The following NAA16 variants were observed in gnomAD, a reference collection of about 807,000 sequenced individuals.
NAA16 encodes N-alpha-acetyltransferase 16, NatA auxiliary subunit, also known as NARG1-like protein.
NAA16 carries 97 observed loss-of-function variants against 110.3 expected under a neutral mutation model. The ratio of observed to expected loss-of-function variants is 0.88; its 90% CI spans 0.75 to 1.04. The LOEUF is 1.04. Ranked by LOEUF, NAA16 falls within the 50% of genes least tolerant of loss-of-function variation. NAA16 has a pLI of 0.00. For missense variants in NAA16, 1,017 were observed against 1,005.1 expected (o/e 1.01, Z -0.16); for synonymous variants, 372 against 330.6 (o/e 1.13, Z -1.36).
At chr13:41,342,119 A>G (rs1003385659) in intron 9 of NAA16, among the ~76,000 whole-genome samples, 1 of 145,106 alleles carries the variant, frequency 6.9e-6, no homozygotes, top group Admixed American at 6.9e-5. Context: ...GGCGTGAGCC[A>G]CCGCACCGGG....
intron 18 of NAA16, 74 bp downstream of exon 18, chr13:41,373,854 A>G (rs2043373819): frequency 6.6e-7 from 1 of 1,511,646 alleles, no homozygotes; most frequent in Admixed American, 2.3e-5. Context: ...CACCCCCAAA[A>G]TGTAAAGCAA....
intron 9 of NAA16, among the ~76,000 whole-genome samples, chr13:41,341,685 C>T (rs998372911): frequency 6.6e-6 from 1 of 152,186 alleles, no homozygotes; most frequent in African/African-American, 2.4e-5. Flanking sequence ...CCACTGCACT[C>T]CAGCCTGTGC....
intron 2 of NAA16, among the ~76,000 whole-genome samples, chr13:41,317,238 A>G (rs1854373385): frequency 6.6e-6 from 1 of 152,164 alleles, no homozygotes; most frequent in Middle Eastern, 3.2e-3. Flanking sequence ...TAAAGTTTAT[A>G]CCTTGGTTTC....
rs955754955 is a variant in NAA16, at chr13:41,376,860, A to C, written c.*1258A>C. 6.6e-6 allele frequency: 1 copy of C among 152,198 alleles called. No individual in the cohort carries two copies. Among genetic ancestry groups the C allele is most frequent in the Non-Finnish European group, 1.5e-5 (1 of 68,038 alleles). The allele number at this position is 152,198 out of a possible 1,614,324, so 9.4% of individuals were successfully genotyped here. ...CCTTGTAAATATGTCTGTAATATTA[A>C]TGCTTCCCTTTATTAAGACAAATAT... On this transcript the variant is annotated 3_prime_UTR_variant, in exon 20 of 20. Coordinates refer to ENST00000379406, the MANE Select transcript of NAA16 (RefSeq NM_024561.5).
In NAA16 at chr13:41,320,741, C is replaced by G. The variant is rs1051892121; in HGVS notation, c.319C>G (p.Leu107Val). The change falls in exon 4 of 20, where the codon CTC becomes GTC. Residue 107 changes from leucine (L) to valine (V), a missense_variant. Physicochemically the swap from Leu to Val is conservative, Grantham distance 32. Coordinates refer to ENST00000379406, the MANE Select transcript of NAA16 (RefSeq NM_024561.5). ...AGCTATAAAATGTTACCGAAATGCC[C>G]TCAAATTAGATAAAGATAACCTGCA... is the stretch of plus-strand genomic sequence containing the variant. Reference protein sequence around the residue: ...DEAIKCYRNALKLDKDNLQIL... With the variant: ...DEAIKCYRNAVKLDKDNLQIL... 29 of 1,613,090 alleles carry G rather than the reference C, an allele frequency of 1.8e-5. No homozygotes were observed. Among genetic ancestry groups the G allele is most frequent in the Non-Finnish European group, 2.2e-5 (26 of 1,179,824 alleles).
intron 6 of NAA16, 133 bp from the exon 7 acceptor site, chr13:41,328,591 A>G: frequency 1.4e-6 from 1 of 693,540 alleles, no homozygotes; most frequent in Non-Finnish European, 2.3e-6. Context: ...CATGAACTGC[A>G]ACATGCCCAA....
At chr13:41,341,903 C>T (rs1194462173) in intron 9 of NAA16, among the ~76,000 whole-genome samples, 1 of 150,006 alleles carries the variant, frequency 6.7e-6, no homozygotes, top group Non-Finnish European at 1.5e-5. Flanking sequence ...GCAATCTCTG[C>T]TCACTGCAAG....
At position 41,358,481 on chromosome 13, in the gene NAA16, C is replaced by G. The variant is rs1436349999; in HGVS notation, c.1257+8C>G. The G allele has an allele frequency of 6.2e-7, 1 of 1,612,496 alleles. No individual in the cohort carries two copies. The highest frequency in any genetic ancestry group is 2.2e-5 in the East Asian group (1 of 44,840). On this transcript the variant is annotated splice_region_variant and intron_variant, in intron 11 of 19. Coordinates refer to ENST00000379406, the MANE Select transcript of NAA16 (RefSeq NM_024561.5). ...AAAGCAAAAATTTACAAGGTAAAAT[C>G]TGAATCCTGTTTTTTGAGTAGTTGA...
intron 18 of NAA16, among the ~76,000 whole-genome samples, chr13:41,374,274 A>G (rs977865782): frequency 2.0e-5 from 3 of 152,074 alleles, no homozygotes; most frequent in Non-Finnish European, 4.4e-5. Context: ...TGAATATGCA[A>G]ACATTTTCCT....
rs561914059 is a variant in NAA16 at position 41,358,235 on chromosome 13, TAGGAG to T, written c.1088-66_1088-62del. ...TTGCAATAGTCATTTCATTATGAAT[TAGGAG>T]AGAGAAAATATGTGATTTGCTTTAC... On this transcript the variant is annotated intron_variant, in intron 10 of 19. Transcript: ENST00000379406. 820 of 1,314,240 alleles carry T rather than the reference TAGGAG, an allele frequency of 6.2e-4. 2 individuals carry two copies. Among genetic ancestry groups the T allele is most frequent in the Middle Eastern group, 3.7e-3 (20 of 5,388 alleles). The allele number at this position is 1,314,240 out of a possible 1,614,324, so 81.4% of individuals were successfully genotyped here.
At chr13:41,329,008 T>TA (rs1384674864) in intron 7 of NAA16, among the ~76,000 whole-genome samples, 165 bp downstream of exon 7, 1 of 152,054 alleles carries the variant, frequency 6.6e-6, no homozygotes, top group African/African-American at 2.4e-5. Context: ...TTCAAATAGT[T>TA]ACACTTAAGT....
Position 41,373,837 on chromosome 13 carries a change from G to A in NAA16, c.2299+57G>A, listed in dbSNP as rs149728266. 2.4e-5 allele frequency: 37 copies of A among 1,528,144 alleles called. 1 individual carries two copies. In the Middle Eastern group the frequency reaches 7.1e-4, roughly 29 times the overall value. 94.7% of individuals were successfully genotyped at this position (1,528,144 alleles called of 1,614,324 possible). A position where few individuals can be genotyped will look rare whatever the true frequency, so the allele number is the denominator to read the frequency against. The stretch of plus-strand genomic sequence containing the variant: ...TATGGAAAAAGCGAACAAAGAGAAA[G>A]CTTTGACACCCCCAAAATGTAAAGC... On this transcript the variant is annotated intron_variant, in intron 18 of 19. Coordinates refer to ENST00000379406, the MANE Select transcript of NAA16 (RefSeq NM_024561.5).
At chr13:41,353,714 C>T (rs375093719) in intron 9 of NAA16, among the ~76,000 whole-genome samples, 2 of 150,884 alleles carry the variant, frequency 1.3e-5, no homozygotes, top group East Asian at 2.0e-4. Flanking sequence ...CTACAGTGAG[C>T]GACTATCACA....
At chr13:41,317,115 T>C (rs117795938) in intron 2 of NAA16, among the ~76,000 whole-genome samples, 185 bp downstream of exon 2, 3,036 of 152,252 alleles carry the variant, frequency 0.02, 61 homozygotes, top group Non-Finnish European at 0.027. Flanking sequence ...CTTAAGTATG[T>C]ATACTTAAGG....
chr13:41,369,923 GTTGTT>G (rs2043283815), intron 15 of NAA16, among the ~76,000 whole-genome samples: 1 of 152,174 alleles, frequency 6.6e-6, no homozygotes, highest in Non-Finnish European at 1.5e-5. Flanking sequence ...TAATAAGTGT[GTTGTT>G]TTAAGTCAAT....
chr13:41,320,577 A>G (rs1284605266), intron 3 of NAA16, 90 bp from the exon 4 acceptor site: 7 of 1,258,482 alleles, frequency 5.6e-6, no homozygotes, highest in Non-Finnish European at 7.5e-6. Flanking sequence ...CCCAGGCAAA[A>G]TACCATTTCC....
At chr13:41,313,871 T>TA (rs1035262427) in intron 1 of NAA16, among the ~76,000 whole-genome samples, 5 of 151,654 alleles carry the variant, frequency 3.3e-5, no homozygotes, top group South Asian at 2.1e-4. Flanking sequence ...TTGTCTTTTT[T>TA]TTTTTTTTGC....
At position 41,357,801 on chromosome 13, in the gene NAA16, G is replaced by C. The variant is rs533918051; in HGVS notation, c.1088-503G>C. Among the ~76,000 whole-genome samples the C allele has an allele frequency of 2.6e-5, 4 of 152,256 alleles. No homozygotes were observed. The South Asian group carries it at 8.3e-4, about 32-fold the overall frequency. ...CTACTTAGGTTTTTGTCAGATGGTAGGGTTGTTTCTACTTTGTCAGGTGTA... is the reference window on the plus strand; with the variant it reads ...CTACTTAGGTTTTTGTCAGATGGTACGGTTGTTTCTACTTTGTCAGGTGTA... On this transcript the variant is annotated intron_variant, in intron 10 of 19. Transcript: ENST00000379406.
intron 8 of NAA16, among the ~76,000 whole-genome samples, chr13:41,331,657 G>A (rs2042242139): frequency 6.6e-6 from 1 of 152,038 alleles, no homozygotes; most frequent in Non-Finnish European, 1.5e-5. Flanking sequence ...GGAGTGTGGG[G>A]GAGAGATGAA....
Sources: gnomAD v4.1 joint callset for allele counts (sites outside exome capture counted in the v4.1 genomes callset) on GRCh38, gnomAD v4.1.1 for gene constraint, MANE v1.5 for transcripts, NCBI Gene and HGNC (gene_info 2026-07-23, HGNC 2026-07-21) for gene names.